Variants in SLC25A21 observed in about 807,000 individuals in gnomAD.
SLC25A21 encodes the protein mitochondrial 2-oxodicarboxylate carrier.
In SLC25A21, 47 loss-of-function variants were observed where a neutral mutation model predicts 43.8. The ratio of observed to expected loss-of-function variants is 1.07; its 90% CI spans 0.85 to 1.37. The LOEUF (loss-of-function observed/expected upper bound fraction) is 1.37. Ranked by LOEUF, SLC25A21 falls within the 40% of genes most tolerant of loss-of-function variation. SLC25A21 has a pLI of 0.00. For synonymous variants in SLC25A21, 131 were observed against 121.3 expected (o/e 1.08, Z -0.52); for missense variants, 352 against 350.2 (o/e 1.00, Z -0.04).
chr14:37,072,509 G>T (rs73260322), intron 1 of SLC25A21, among the ~76,000 whole-genome samples: 32,506 of 152,036 alleles, frequency 0.21, 8,071 homozygotes, highest in African/African-American at 0.6. Flanking sequence ...TCTCACGCCT[G>T]TAATCCCAGC....
At chr14:36,888,414 C>T (rs945334221) in intron 1 of SLC25A21, among the ~76,000 whole-genome samples, 4 of 152,034 alleles carry the variant, frequency 2.6e-5, no homozygotes, top group South Asian at 2.1e-4. Flanking sequence ...ACCCAACATG[C>T]CTGTGATTTG....
At chr14:37,113,779 G>A (rs902522256) in intron 1 of SLC25A21, among the ~76,000 whole-genome samples, 4 of 150,948 alleles carry the variant, frequency 2.6e-5, no homozygotes, top group South Asian at 2.1e-4. Context: ...ACTTGAACCC[G>A]GGAGGTGGAG....
intron 1 of SLC25A21, among the ~76,000 whole-genome samples, chr14:37,075,860 A>G (rs1962269628): frequency 6.6e-6 from 1 of 152,352 alleles, no homozygotes; most frequent in South Asian, 2.1e-4. Flanking sequence ...ACAGCCCGTC[A>G]TTTCCAGAAT....
intron 2 of SLC25A21, among the ~76,000 whole-genome samples, chr14:36,857,136 A>G (rs1324805420): frequency 1.3e-5 from 2 of 152,188 alleles, no homozygotes; most frequent in Non-Finnish European, 2.9e-5. Flanking sequence ...TTTAAAGCCT[A>G]AGACATGCTT....
chr14:36,817,632 G>T (rs1379738026), intron 2 of SLC25A21, among the ~76,000 whole-genome samples: 1 of 152,148 alleles, frequency 6.6e-6, no homozygotes, highest in African/African-American at 2.4e-5. Context: ...CTGCTGCTCA[G>T]CTCAGCACTT....
intron 1 of SLC25A21, among the ~76,000 whole-genome samples, chr14:36,996,004 T>G (rs748768299): frequency 6.6e-6 from 1 of 152,144 alleles, no homozygotes; most frequent in Non-Finnish European, 1.5e-5. Context: ...GAGAAGTAAC[T>G]CGACCAAAGC....
chr14:37,094,393 A>C (rs887037247), intron 1 of SLC25A21, among the ~76,000 whole-genome samples: 1 of 152,206 alleles, frequency 6.6e-6, no homozygotes, highest in African/African-American at 2.4e-5. Context: ...GCCTATTAAT[A>C]TGGAAAAAAT....
At chr14:36,916,682 C>T (rs980198525) in intron 1 of SLC25A21, among the ~76,000 whole-genome samples, 1 of 152,104 alleles carries the variant, frequency 6.6e-6, no homozygotes, top group Admixed American at 6.6e-5. Context: ...AATATAGCAA[C>T]CATTAAGGTA....
At chr14:36,849,828 A>C (rs540625243) in intron 2 of SLC25A21, among the ~76,000 whole-genome samples, 1 of 152,186 alleles carries the variant, frequency 6.6e-6, no homozygotes, top group Non-Finnish European at 1.5e-5. Flanking sequence ...AGTTTTCAGA[A>C]TCTAGGACTT....
intron 1 of SLC25A21, among the ~76,000 whole-genome samples, chr14:36,979,837 T>C (rs1019640925): frequency 6.6e-6 from 1 of 152,198 alleles, no homozygotes; most frequent in Non-Finnish European, 1.5e-5. Flanking sequence ...GAAAGAGAAG[T>C]ATCCTCTGCA....
At chr14:36,979,095 A>C (rs1327301927) in intron 1 of SLC25A21, among the ~76,000 whole-genome samples, 1 of 152,162 alleles carries the variant, frequency 6.6e-6, no homozygotes, top group African/African-American at 2.4e-5. Flanking sequence ...ATCAAAAAAA[A>C]CAGTTTACTG....
At chr14:36,973,079 T>C (rs1375381104) in intron 1 of SLC25A21, among the ~76,000 whole-genome samples, 1 of 151,994 alleles carries the variant, frequency 6.6e-6, no homozygotes, top group Non-Finnish European at 1.5e-5. Flanking sequence ...GGTCTTGCTA[T>C]GTTTTCCAGG....
intron 7 of SLC25A21, among the ~76,000 whole-genome samples, chr14:36,703,266 T>C (rs2139173841): frequency 6.6e-6 from 1 of 152,338 alleles, no homozygotes; most frequent in Admixed American, 6.5e-5. Context: ...AAGGTGCATT[T>C]TTCATTCAGC....
intron 2 of SLC25A21, among the ~76,000 whole-genome samples, chr14:36,834,758 C>T (rs537290374): frequency 1.8e-4 from 28 of 152,198 alleles, no homozygotes; most frequent in Non-Finnish European, 3.2e-4. Context: ...TTGACATTCT[C>T]ATGGTGCTTC....
intron 3 of SLC25A21, among the ~76,000 whole-genome samples, chr14:36,739,742 T>C (rs1885179895): frequency 6.6e-6 from 1 of 151,404 alleles, no homozygotes. Flanking sequence ...AGAATGTTGG[T>C]TACTGACCCA....
At chr14:36,775,898 T>C (rs191318122) in intron 3 of SLC25A21, among the ~76,000 whole-genome samples, 90 of 152,302 alleles carry the variant, frequency 5.9e-4, no homozygotes, top group African/African-American at 2.1e-3. Flanking sequence ...TCTTTACCAC[T>C]ACCTCATTTT....
intron 3 of SLC25A21, among the ~76,000 whole-genome samples, chr14:36,802,581 G>C (rs980398608): frequency 3.9e-5 from 6 of 152,134 alleles, no homozygotes; most frequent in Non-Finnish European, 7.4e-5. Flanking sequence ...ACTTCCAAGT[G>C]GAATTCTAAT....
At position 36,678,476 on chromosome 14, in the gene SLC25A21, G is replaced by A. The variant is rs1020022432; in HGVS notation, c.*2182C>T. ...TGTAAAACTTCCATTGACATCTGGA[G>A]TTCCCAGTCTGGTGAGAAAATAGAC... On this transcript the variant is annotated 3_prime_UTR_variant, in exon 10 of 10. Transcript: ENST00000331299. 2 of 1,535,986 alleles carry A rather than the reference G, an allele frequency of 1.3e-6. No individual in the cohort carries two copies. The highest frequency in any genetic ancestry group is 1.7e-6 in the Non-Finnish European group (2 of 1,145,928).
chr14:36,810,861 TACAGCATA>T (rs1888216328), intron 3 of SLC25A21, among the ~76,000 whole-genome samples: 1 of 152,004 alleles, frequency 6.6e-6, no homozygotes, highest in South Asian at 2.1e-4. Flanking sequence ...CTATATTTTA[TACAGCATA>T]TGTAGAGAAA....
Sources: allele counts gnomAD v4.1 joint callset (sites outside exome capture counted in the v4.1 genomes callset), GRCh38; gene constraint gnomAD v4.1.1; transcripts MANE v1.5; gene names NCBI Gene and HGNC (gene_info 2026-07-23, HGNC 2026-07-21).